Variants in MACROD2 observed in about 807,000 individuals in gnomAD.
MACROD2 encodes ADP-ribose glycohydrolase MACROD2.
A neutral mutation model predicts 70.4 loss-of-function variants in MACROD2; 36 were observed. That is an observed-to-expected ratio of 0.51 (90% CI 0.39 to 0.68). The LOEUF is 0.68. Among genes scored for constraint, MACROD2 ranks in the 30% least tolerant of loss-of-function variants. MACROD2 has a pLI of 0.00. For synonymous variants in MACROD2, 172 were observed against 178.8 expected (o/e 0.96, Z 0.30); for missense variants, 496 against 538.4 (o/e 0.92, Z 0.78).
chr20:15,995,516 A>AT (rs375137161), intron 15 of MACROD2, among the ~76,000 whole-genome samples: 7,683 of 150,752 alleles, frequency 0.051, 444 homozygotes, highest in African/African-American at 0.14. Flanking sequence ...TGCCCGGCTA[A>AT]TTTTTTTGTA....
chr20:15,829,192 T>C (rs1485237181), intron 8 of MACROD2, among the ~76,000 whole-genome samples: 2 of 152,086 alleles, frequency 1.3e-5, no homozygotes, highest in African/African-American at 4.8e-5. Flanking sequence ...TCAAAAAGCA[T>C]TCCTAGAACT....
intron 5 of MACROD2, among the ~76,000 whole-genome samples, chr20:14,941,807 A>G (rs2074392316): frequency 6.7e-6 from 1 of 150,160 alleles, no homozygotes; most frequent in Admixed American, 6.6e-5. Context: ...TTTGTTTGTC[A>G]GGGTCTCACT....
At chr20:14,967,988 G>A (rs934338788) in intron 5 of MACROD2, among the ~76,000 whole-genome samples, 3 of 152,120 alleles carry the variant, frequency 2.0e-5, no homozygotes, top group African/African-American at 7.2e-5. Context: ...GTATAGGACA[G>A]TTATTAATAT....
intron 5 of MACROD2, among the ~76,000 whole-genome samples, chr20:14,906,674 A>C (rs1455547165): frequency 2.0e-5 from 3 of 152,208 alleles, no homozygotes; most frequent in Non-Finnish European, 4.4e-5. Context: ...AATATCATTC[A>C]GTAATGCGAT....
intron 5 of MACROD2, among the ~76,000 whole-genome samples, chr20:14,700,522 G>GTT (rs1555817948): frequency 0.074 from 8,204 of 111,412 alleles, 394 homozygotes; most frequent in East Asian, 0.2. Context: ...GACATATGGT[G>GTT]GTGTGTGTGT....
intron 2 of MACROD2, among the ~76,000 whole-genome samples, chr20:14,039,408 A>C (rs1191102204): frequency 1.3e-5 from 2 of 152,172 alleles, no homozygotes; most frequent in Non-Finnish European, 2.9e-5. Context: ...GATGTTACCA[A>C]AGGCACGTCT....
At chr20:14,840,033 C>CT (rs71190154) in intron 5 of MACROD2, among the ~76,000 whole-genome samples, 81,024 of 142,392 alleles carry the variant, frequency 0.57, 24,094 homozygotes, top group Non-Finnish European at 0.67. Flanking sequence ...GTCTCCATGT[C>CT]TTTTTTTTTT....
At chr20:14,314,267 G>C (rs2082593640) in intron 3 of MACROD2, among the ~76,000 whole-genome samples, 1 of 152,174 alleles carries the variant, frequency 6.6e-6, no homozygotes, top group Admixed American at 6.5e-5. Context: ...GCCCAGTTCT[G>C]TGTTGGGGGA....
intron 2 of MACROD2, among the ~76,000 whole-genome samples, chr20:14,073,927 G>C (rs2148662547): frequency 6.6e-6 from 1 of 152,190 alleles, no homozygotes. Flanking sequence ...CCCTTTTCTT[G>C]TCTAGACCCT....
chr20:15,489,640 C>T (rs543718455), intron 7 of MACROD2, among the ~76,000 whole-genome samples: 2 of 152,298 alleles, frequency 1.3e-5, no homozygotes, highest in African/African-American at 2.4e-5. Context: ...ATGCAGAAGG[C>T]CATGTGTTTG....
At chr20:15,012,903 G>A (rs2075094093) in intron 5 of MACROD2, among the ~76,000 whole-genome samples, 1 of 152,184 alleles carries the variant, frequency 6.6e-6, no homozygotes, top group Non-Finnish European at 1.5e-5. Flanking sequence ...AAGGCTGTAT[G>A]CCTGCAAGTT....
At chr20:15,790,129 G>T (rs528122269) in intron 8 of MACROD2, among the ~76,000 whole-genome samples, 2 of 152,052 alleles carry the variant, frequency 1.3e-5, no homozygotes, top group African/African-American at 4.8e-5. Context: ...TGATAGAGAT[G>T]ATGAAATAGG....
chr20:14,963,400 A>AT (rs1216401961), intron 5 of MACROD2, among the ~76,000 whole-genome samples: 4 of 152,088 alleles, frequency 2.6e-5, no homozygotes, highest in Non-Finnish European at 5.9e-5. Flanking sequence ...TCATTATTCT[A>AT]TTAGACAATG....
rs148580009 is a variant in MACROD2 at position 15,833,656 on chromosome 20, C to T, written c.646-29089C>T. Reference sequence around the variant, plus strand: ...ATAGCAAAGAAAGATATTCTTAAAACAGGGCTGTTGCTCTTTATAGAAAAT... The same window carrying T: ...ATAGCAAAGAAAGATATTCTTAAAATAGGGCTGTTGCTCTTTATAGAAAAT... On this transcript the variant is annotated intron_variant, in intron 8 of 17. Coordinates refer to ENST00000684519, the MANE Select transcript of MACROD2 (RefSeq NM_001351661.2). 6.8e-4 allele frequency among the ~76,000 whole-genome samples: 103 copies of T among 152,262 alleles called. No homozygotes were observed. In the East Asian group the frequency reaches 0.019, roughly 29 times the overall value.
At position 14,792,955 on chromosome 20, in the gene MACROD2, T is replaced by A. The variant is rs928574581; in HGVS notation, c.418+107996T>A. Among the ~76,000 whole-genome samples, 10 of 152,062 alleles carry A rather than the reference T, an allele frequency of 6.6e-5. No homozygotes were observed. In the East Asian group the frequency reaches 7.7e-4, roughly 12 times the overall value. Reference sequence around the variant, plus strand: ...AATAAAAGTTATTTTGGATTTTTTTTAAATGTCTAATTGTTTATGCAATCA... The same window carrying A: ...AATAAAAGTTATTTTGGATTTTTTTAAAATGTCTAATTGTTTATGCAATCA... On this transcript the variant is annotated intron_variant, in intron 5 of 17. Transcript: ENST00000684519.
In MACROD2 at chr20:15,895,216, T is replaced by C. The variant is rs117821770; in HGVS notation, c.775+9405T>C. On this transcript the variant is annotated intron_variant, in intron 10 of 17. Transcript: ENST00000684519. ...TTACTTCCTAAATCAGTTGCTTTGT[T>C]TAGGAACATCATTCCCGAATCCTAA... is the stretch of plus-strand genomic sequence containing the variant. Among the ~76,000 whole-genome samples, 753 of 152,340 alleles carry C rather than the reference T, an allele frequency of 4.9e-3. 2 individuals carry two copies. Among genetic ancestry groups the C allele is most frequent in the Non-Finnish European group, 7.7e-3 (526 of 68,030 alleles).
intron 4 of MACROD2, among the ~76,000 whole-genome samples, chr20:14,634,287 G>A (rs1213606298): frequency 6.6e-6 from 1 of 152,200 alleles, no homozygotes; most frequent in Non-Finnish European, 1.5e-5. Context: ...TTGGAGGATG[G>A]ACACTGAATG....
intron 6 of MACROD2, among the ~76,000 whole-genome samples, chr20:15,411,250 T>G (rs1259353782): frequency 6.6e-6 from 1 of 152,112 alleles, no homozygotes; most frequent in Non-Finnish European, 1.5e-5. Context: ...ATGATTTACC[T>G]TTCCTGTCAA....
chr20:15,688,834 TA>T (rs1274876396), intron 8 of MACROD2, among the ~76,000 whole-genome samples: 23 of 152,198 alleles, frequency 1.5e-4, no homozygotes, highest in African/African-American at 5.5e-4. Context: ...TTATGGTCAT[TA>T]AAATATGAAA....
Sources: gnomAD v4.1 joint callset for allele counts (sites outside exome capture counted in the v4.1 genomes callset) on GRCh38, gnomAD v4.1.1 for gene constraint, MANE v1.5 for transcripts, NCBI Gene and HGNC (gene_info 2026-07-23, HGNC 2026-07-21) for gene names.